The following XIRP2 variants were observed in gnomAD, a reference collection of about 807,000 sequenced individuals.
The protein encoded by XIRP2 is xin actin-binding repeat-containing protein 2.
In XIRP2, 236 loss-of-function variants were observed where a neutral mutation model predicts 277.0. The ratio of observed to expected loss-of-function variants is 0.85; its 90% CI spans 0.77 to 0.95. The LOEUF (loss-of-function observed/expected upper bound fraction) is 0.95, where lower values mean the gene tolerates loss of function less well. Among genes scored for constraint, XIRP2 ranks in the 40% least tolerant of loss-of-function variants. The pLI is 0.00. For missense variants in XIRP2, 4,640 were observed against 4,157.5 expected, an observed-to-expected ratio of 1.12 and a Z score of -3.19; for synonymous variants, 1,490 against 1,416.5, an observed-to-expected ratio of 1.05 and a Z score of -1.17.
intron 3 of XIRP2, among the ~76,000 whole-genome samples, chr2:167,159,665 T>C (rs1452059064): frequency 6.6e-6 from 1 of 151,358 alleles, no homozygotes; most frequent in African/African-American, 2.4e-5. Context: ...CCTGTATCTA[T>C]ATTTCTTCAT....
chr2:167,170,991 C>T (rs978979301), intron 3 of XIRP2, among the ~76,000 whole-genome samples: 1 of 150,682 alleles, frequency 6.6e-6, no homozygotes, highest in Non-Finnish European at 1.5e-5. Context: ...CCTCCGCCTC[C>T]AGGGTTCAAG....
intron 2 of XIRP2, among the ~76,000 whole-genome samples, chr2:167,130,589 G>A (rs1190268012): frequency 6.6e-6 from 1 of 152,004 alleles, no homozygotes; most frequent in Non-Finnish European, 1.5e-5. Context: ...CACACTAAAA[G>A]GGTTCTTTAG....
intron 5 of XIRP2, among the ~76,000 whole-genome samples, chr2:167,223,824 C>T (rs193137263): frequency 1.7e-4 from 26 of 152,230 alleles, no homozygotes; most frequent in Admixed American, 9.2e-4. Flanking sequence ...ATTCTTATAA[C>T]TTAAAGTACC....
At chr2:167,145,195 A>G (rs1691829220) in intron 3 of XIRP2, among the ~76,000 whole-genome samples, 1 of 152,232 alleles carries the variant, frequency 6.6e-6, no homozygotes, top group African/African-American at 2.4e-5. Context: ...GTTAAACATT[A>G]AATCCACTAT....
At chr2:166,964,248 A>G (rs1388984214) in intron 2 of XIRP2, among the ~76,000 whole-genome samples, 1 of 151,790 alleles carries the variant, frequency 6.6e-6, no homozygotes. Flanking sequence ...TATTGATAAT[A>G]CTTTCAAATA....
At chr2:167,092,538 G>A (rs1430018415) in intron 2 of XIRP2, among the ~76,000 whole-genome samples, 3 of 152,076 alleles carry the variant, frequency 2.0e-5, no homozygotes, top group African/African-American at 7.3e-5. Context: ...TAACTGTGAT[G>A]TGTCTTTGGA....
intron 2 of XIRP2, among the ~76,000 whole-genome samples, chr2:167,073,381 A>C (rs1689483841): frequency 1.3e-5 from 2 of 152,254 alleles, no homozygotes; most frequent in Admixed American, 1.3e-4. Flanking sequence ...TAAATAGTAA[A>C]AATACTGTTA....
intron 1 of XIRP2, among the ~76,000 whole-genome samples, chr2:166,900,839 G>C (rs1684368693): frequency 6.6e-6 from 1 of 152,112 alleles, no homozygotes; most frequent in Non-Finnish European, 1.5e-5. Context: ...CACACAAAGG[G>C]AAGAGGAGAA....
At chr2:167,119,647 G>A (rs1406361452) in intron 2 of XIRP2, among the ~76,000 whole-genome samples, 1 of 152,146 alleles carries the variant, frequency 6.6e-6, no homozygotes, top group African/African-American at 2.4e-5. Context: ...GGTGCCCAAT[G>A]TTTGTTAAAT....
chr2:167,099,231 C>G (rs976060780), intron 2 of XIRP2, among the ~76,000 whole-genome samples: 2 of 152,140 alleles, frequency 1.3e-5, no homozygotes, highest in African/African-American at 4.8e-5. Flanking sequence ...GAGAGGCAGT[C>G]TGGCTACAGT....
intron 2 of XIRP2, among the ~76,000 whole-genome samples, chr2:167,022,679 T>A (rs914093218): frequency 6.7e-6 from 1 of 148,908 alleles, no homozygotes; most frequent in African/African-American, 2.5e-5. Context: ...AATTCCCACC[T>A]ATGAGTGAGA....
intron 2 of XIRP2, among the ~76,000 whole-genome samples, chr2:167,076,086 T>A (rs534104772): frequency 6.6e-6 from 1 of 152,238 alleles, no homozygotes; most frequent in African/African-American, 2.4e-5. Context: ...AACTTCATAA[T>A]ATGCAGAGGA....
intron 2 of XIRP2, among the ~76,000 whole-genome samples, chr2:167,071,473 G>A (rs1304023111): frequency 1.3e-5 from 2 of 152,200 alleles, no homozygotes; most frequent in African/African-American, 2.4e-5. Flanking sequence ...AAGGACTGCG[G>A]TCAGATGCCT....
intron 1 of XIRP2, among the ~76,000 whole-genome samples, chr2:166,894,665 C>A (rs746735322): frequency 3.9e-5 from 6 of 152,014 alleles, no homozygotes; most frequent in Non-Finnish European, 5.9e-5. Flanking sequence ...CAGCATTGTG[C>A]CTTTCATTCT....
chr2:167,176,416 T>C lies in XIRP2; in HGVS notation c.563-34319T>C, dbSNP rs557473533. Among the ~76,000 whole-genome samples, 4 of 152,334 alleles carry C rather than the reference T, an allele frequency of 2.6e-5. 1 individual carries two copies. Among genetic ancestry groups the C allele is most frequent in the African/African-American group, 7.2e-5 (3 of 41,580 alleles). On this transcript the variant is annotated intron_variant, in intron 3 of 10. Transcript: ENST00000409195. Reference sequence around the variant, plus strand: ...CACCCGCCTTCTGCATTGATCTCGCTGGAGCTGCAGACCGGAGCTGTTCCC... The same window carrying C: ...CACCCGCCTTCTGCATTGATCTCGCCGGAGCTGCAGACCGGAGCTGTTCCC...
chr2:167,152,649 A>G (rs1182948640), intron 3 of XIRP2, among the ~76,000 whole-genome samples: 1 of 152,078 alleles, frequency 6.6e-6, no homozygotes, highest in African/African-American at 2.4e-5. Flanking sequence ...TATAACCCAG[A>G]CTTGAAGAAC....
intron 2 of XIRP2, among the ~76,000 whole-genome samples, chr2:167,104,067 A>C (rs1690553019): frequency 1.3e-5 from 2 of 152,138 alleles, no homozygotes; most frequent in African/African-American, 4.8e-5. Context: ...TATGAGAACA[A>C]AAACTAAGCT....
chr2:167,133,237 T>A (rs1408411054), intron 2 of XIRP2, among the ~76,000 whole-genome samples: 1 of 152,224 alleles, frequency 6.6e-6, no homozygotes, highest in Non-Finnish European at 1.5e-5. Context: ...GGAAGCACAG[T>A]GTATAAAACA....
At chr2:167,070,494 G>A (rs972091216) in intron 2 of XIRP2, among the ~76,000 whole-genome samples, 1 of 152,056 alleles carries the variant, frequency 6.6e-6, no homozygotes, top group Non-Finnish European at 1.5e-5. Flanking sequence ...TGCTGAACAG[G>A]ATAGTGAAAT....
Sources: gnomAD v4.1 joint callset for allele counts (sites outside exome capture counted in the v4.1 genomes callset) on GRCh38, gnomAD v4.1.1 for gene constraint, MANE v1.5 for transcripts, NCBI Gene and HGNC (gene_info 2026-07-23, HGNC 2026-07-21) for gene names.